STON2: variants seen among roughly 807,000 people sequenced by gnomAD.
The protein encoded by STON2 is stonin-2.
A neutral mutation model predicts 65.7 loss-of-function variants in STON2; 29 were observed. That is an observed-to-expected ratio of 0.44 (90% confidence interval 0.33 to 0.60). The LOEUF (loss-of-function observed/expected upper bound fraction) is 0.60, where lower values mean the gene tolerates loss of function less well. STON2 is among the 20% of genes least tolerant of loss of function. The pLI, the probability that STON2 is intolerant of heterozygous loss-of-function variation, is 0.03. For synonymous variants in STON2, 404 were observed against 414.2 expected (o/e 0.98, Z 0.30); for missense variants, 1,054 against 1,118.1 (o/e 0.94, Z 0.82).
chr14:81,270,489 G>C (rs1228489582), intron 7 of STON2, 181 bp downstream of exon 7: 10 of 1,504,196 alleles, frequency 6.6e-6, no homozygotes, highest in Non-Finnish European at 8.9e-6. Flanking sequence ...TCATCCACTA[G>C]CCAGATTATG....
chr14:81,381,411 A>G (rs1049669102), intron 3 of STON2, among the ~76,000 whole-genome samples: 2 of 152,216 alleles, frequency 1.3e-5, no homozygotes, highest in African/African-American at 2.4e-5. Flanking sequence ...CATTCACAGG[A>G]TAGGAGATAA....
chr14:81,274,853 C>T (rs1227937793), intron 6 of STON2, among the ~76,000 whole-genome samples: 2 of 151,930 alleles, frequency 1.3e-5, no homozygotes, highest in East Asian at 3.9e-4. Context: ...TGCAGTGAGC[C>T]AAGATCGCAC....
chr14:81,379,525 A>G (rs1275682208), intron 3 of STON2, among the ~76,000 whole-genome samples: 1 of 152,166 alleles, frequency 6.6e-6, no homozygotes, highest in Non-Finnish European at 1.5e-5. Context: ...TGTCAATTAA[A>G]ATTCTAGCAT....
chr14:81,276,862 C>G, intron 6 of STON2, 39 bp downstream of exon 6: 1 of 1,575,214 alleles, frequency 6.3e-7, no homozygotes, highest in South Asian at 1.2e-5. Flanking sequence ...TTTTTCACAA[C>G]TGTATGTTTG....
intron 2 of STON2, among the ~76,000 whole-genome samples, chr14:81,411,575 C>T (rs1019639503): frequency 5.9e-5 from 9 of 152,242 alleles, no homozygotes; most frequent in South Asian, 4.1e-4. Context: ...GGTGTGGTGG[C>T]GCATGCCTGT....
intron 5 of STON2, among the ~76,000 whole-genome samples, chr14:81,297,060 G>A (rs1179632649): frequency 2.0e-5 from 3 of 152,134 alleles, no homozygotes; most frequent in African/African-American, 7.2e-5. Context: ...GGGGACTTCC[G>A]GAGTGTGTCA....
intron 5 of STON2, among the ~76,000 whole-genome samples, chr14:81,305,300 G>A (rs1179533281): frequency 6.6e-6 from 1 of 152,184 alleles, no homozygotes; most frequent in Non-Finnish European, 1.5e-5. Context: ...TATGCAAAGC[G>A]ACTATGCCAA....
intron 4 of STON2, among the ~76,000 whole-genome samples, chr14:81,368,272 T>C (rs1029071787): frequency 1.3e-5 from 2 of 152,166 alleles, no homozygotes; most frequent in African/African-American, 2.4e-5. Context: ...AACAAGTTGC[T>C]TCACCTTTCT....
intron 4 of STON2, among the ~76,000 whole-genome samples, chr14:81,346,689 C>T (rs1343073666): frequency 6.6e-6 from 1 of 152,152 alleles, no homozygotes; most frequent in African/African-American, 2.4e-5. Context: ...CAAAACAAGT[C>T]TCAACACATT....
In STON2 at chr14:81,391,468, G is replaced by A. The variant is rs139892260; in HGVS notation, c.373+4426C>T. On this transcript the variant is annotated intron_variant, in intron 3 of 7. Transcript: ENST00000614646. ...GGCAGGAGTGGGGGGCTAACGCCTA[G>A]TCTCTCCTGTGTAATTGGCCTTAGC... Among the ~76,000 whole-genome samples the A allele has an allele frequency of 1.7e-3, 260 of 152,308 alleles. 1 individual carries two copies. The highest frequency in any genetic ancestry group is 6.8e-3 in the Middle Eastern group (2 of 294).
intron 4 of STON2, among the ~76,000 whole-genome samples, chr14:81,329,155 T>C (rs937459633): frequency 6.6e-6 from 1 of 152,006 alleles, no homozygotes; most frequent in Non-Finnish European, 1.5e-5. Flanking sequence ...GTCACTGGTG[T>C]CGTTATAAGA....
chr14:81,338,970 A>C (rs1351940489), intron 4 of STON2, among the ~76,000 whole-genome samples: 1 of 152,204 alleles, frequency 6.6e-6, no homozygotes, highest in Non-Finnish European at 1.5e-5. Flanking sequence ...AAACGCCATA[A>C]ACCAAGACCC....
At position 81,277,175 on chromosome 14, in the gene STON2, G is replaced by A. The variant is rs1231709816; in HGVS notation, c.2307C>T (p.Gly769=). Reference sequence around the variant, plus strand: ...TGAGGGGGTCACGATTGGCGGAGAAGCCAGTTGACATCCTCAGCCAGCTCT... The same window carrying A: ...TGAGGGGGTCACGATTGGCGGAGAAACCAGTTGACATCCTCAGCCAGCTCT... ...EVQSWLRMST[G]FSANRDPLTQ... Residue 769 remains glycine (G), a synonymous_variant, in exon 6 of 8, where the codon GGC becomes GGT. Transcript: ENST00000614646. 1.2e-6 allele frequency: 2 copies of A among 1,614,236 alleles called. No homozygotes were observed. Among genetic ancestry groups the A allele is most frequent in the South Asian group, 2.2e-5 (2 of 91,086 alleles).
intron 4 of STON2, among the ~76,000 whole-genome samples, chr14:81,354,703 AG>A (rs1364761017): frequency 2.0e-5 from 3 of 152,228 alleles, no homozygotes; most frequent in African/African-American, 7.2e-5. Context: ...CTAGAGATAA[AG>A]AACACAATTA....
At position 81,261,040 on chromosome 14, in the gene STON2, G is replaced by A. The variant is rs948183954; in HGVS notation, c.*7374C>T. 6 of 152,124 alleles carry A rather than the reference G, an allele frequency of 3.9e-5. No individual in the cohort carries two copies. The highest frequency in any genetic ancestry group is 1.4e-4 in the African/African-American group (6 of 41,430). 9.4% of individuals were successfully genotyped at this position (152,124 alleles called of 1,614,324 possible). A position where few individuals can be genotyped will look rare whatever the true frequency, so the allele number is the denominator to read the frequency against. On this transcript the variant is annotated 3_prime_UTR_variant, in exon 8 of 8. Transcript: ENST00000614646. Reference sequence around the variant, plus strand: ...TGATTTTGATTAATCTCTTGAATACGGTAGTTTTCTCCAGGTTCTCTTGTT... The same window carrying A: ...TGATTTTGATTAATCTCTTGAATACAGTAGTTTTCTCCAGGTTCTCTTGTT...
chr14:81,377,663 C>T (rs1412183550), intron 3 of STON2, among the ~76,000 whole-genome samples: 2 of 152,162 alleles, frequency 1.3e-5, no homozygotes, highest in African/African-American at 4.8e-5. Context: ...TCTCGGCATC[C>T]TCACTAGCAT....
chr14:81,261,827 A>G lies in STON2; in HGVS notation c.*6587T>C. ...ATGATGCCAGTGGAACTTCCAAAGA[A>G]GCATTCCACCTGATCTTCACCACCC... On this transcript the variant is annotated 3_prime_UTR_variant, in exon 8 of 8. Coordinates refer to ENST00000614646, the MANE Select transcript of STON2 (RefSeq NM_001394390.1). The G allele has an allele frequency of 6.5e-7, 1 of 1,533,712 alleles. No individual in the cohort carries two copies. Among genetic ancestry groups the G allele is most frequent in the Non-Finnish European group, 8.7e-7 (1 of 1,146,310 alleles).
chr14:81,370,841 T>A, intron 4 of STON2, 147 bp downstream of exon 4: 1 of 695,542 alleles, frequency 1.4e-6, no homozygotes, highest in Non-Finnish European at 2.4e-6. Context: ...CCAGCCACTT[T>A]GGGTTCTAGC....
At chr14:81,305,188 TTTGAG>T (rs1896123565) in intron 5 of STON2, among the ~76,000 whole-genome samples, 9 of 152,274 alleles carry the variant, frequency 5.9e-5, no homozygotes, top group Admixed American at 5.9e-4. Flanking sequence ...TCGATGGACA[TTTGAG>T]AGCCAGGCTT....
Sources: allele counts gnomAD v4.1 joint callset (sites outside exome capture counted in the v4.1 genomes callset), GRCh38; gene constraint gnomAD v4.1.1; transcripts MANE v1.5; gene names NCBI Gene and HGNC (gene_info 2026-07-23, HGNC 2026-07-21).